Variants in TRANK1 observed in about 807,000 individuals in gnomAD.
TRANK1 encodes the protein tetratricopeptide repeat and ankyrin repeat containing 1.
A neutral mutation model predicts 266.0 loss-of-function variants in TRANK1; 198 were observed. That is an observed-to-expected ratio of 0.74 (90% CI 0.66 to 0.84). TRANK1 has a LOEUF of 0.84. Among genes scored for constraint, TRANK1 ranks in the 40% least tolerant of loss-of-function variants. The pLI, the probability that TRANK1 is intolerant of heterozygous loss-of-function variation, is 0.00. For missense variants in TRANK1, 3,326 were observed against 3,634.6 expected (o/e 0.92, Z 2.18); for synonymous variants, 1,396 against 1,384.1 (o/e 1.01, Z -0.19).
In TRANK1 at chr3:36,848,866, G is replaced by C. The variant is rs1422440628; in HGVS notation, c.4888-1520C>G. 2.0e-5 allele frequency among the ~76,000 whole-genome samples: 3 copies of C among 152,104 alleles called. No individual in the cohort carries two copies. The South Asian group carries it at 6.2e-4, about 32-fold the overall frequency. On this transcript the variant is annotated intron_variant, in intron 15 of 23. Coordinates refer to ENST00000645898, the MANE Select transcript of TRANK1 (RefSeq NM_001329998.2). Reference sequence around the variant, plus strand: ...CCTCCTGGCAGGTAGCATGAGATACGGACTGGCTAATATTGAAAGGGCTAA... The same window carrying C: ...CCTCCTGGCAGGTAGCATGAGATACCGACTGGCTAATATTGAAAGGGCTAA...
At chr3:36,939,880 C>G (rs1185807041) in intron 1 of TRANK1, among the ~76,000 whole-genome samples, 1 of 151,648 alleles carries the variant, frequency 6.6e-6, no homozygotes, top group Non-Finnish European at 1.5e-5. Context: ...AGTGTCCAAG[C>G]CCTTTTGTTC....
chr3:36,833,465 G>C lies in TRANK1; in HGVS notation c.6118C>G (p.Leu2040Val), dbSNP rs1266379228. ...TCCCTGAGCTTCTGAAAGTCTCTCA[G>C]GATTACCCCTTGCAGGAAGTGGGCC... ...AEAHFLQGVI[L>V]RDFQKLRDAF... The change falls in exon 22 of 24, where the codon CTG (leucine) becomes GTG (valine). Residue 2040 changes from leucine to valine, a missense_variant. Transcript: ENST00000645898. 1 of 1,613,724 alleles carries C rather than the reference G, an allele frequency of 6.2e-7. No homozygotes were observed. Among genetic ancestry groups the C allele is most frequent in the Non-Finnish European group, 8.5e-7 (1 of 1,179,818 alleles).
rs1186636071 is a variant in TRANK1 at position 36,828,207 on chromosome 3, C to A, written c.*68G>T. ...ATTCACATTCTTTTTGTCTTCTGCCCCAGCGCTCAGAATTCTAAGTCAGAA... is the reference window on the plus strand; with the variant it reads ...ATTCACATTCTTTTTGTCTTCTGCCACAGCGCTCAGAATTCTAAGTCAGAA... On this transcript the variant is annotated 3_prime_UTR_variant, in exon 24 of 24. Coordinates refer to ENST00000645898, the MANE Select transcript of TRANK1 (RefSeq NM_001329998.2). The A allele has an allele frequency of 8.5e-7, 1 of 1,173,394 alleles. No individual in the cohort carries two copies. 72.7% of individuals were successfully genotyped at this position (1,173,394 alleles called of 1,614,324 possible). A position where few individuals can be genotyped will look rare whatever the true frequency, so the allele number is the denominator to read the frequency against.
At position 36,889,865 on chromosome 3, in the gene TRANK1, C is replaced by A; in HGVS notation, c.871G>T (p.Val291Phe). 6.5e-7 allele frequency: 1 copy of A among 1,536,934 alleles called. No homozygotes were observed. Among genetic ancestry groups the A allele is most frequent in the Non-Finnish European group, 8.7e-7 (1 of 1,146,782 alleles). The change falls in exon 8 of 24, where the codon GTC becomes TTC. Residue 291 changes from valine (V) to phenylalanine (F), a missense_variant. By Grantham distance (50) the Val-to-Phe change is conservative (BLOSUM62 -1). Transcript: ENST00000645898. ...KDGDGCTVLH[V>F]VAAHSPGYLV... ...TATCCTGGGGAGTGGGCAGCGACGA[C>A]GTGCAGGACAGTGCAGCCATCCCCA...
intron 20 of TRANK1, among the ~76,000 whole-genome samples, chr3:36,835,925 CTT>C (rs1332373601): frequency 6.6e-6 from 1 of 152,178 alleles, no homozygotes; most frequent in African/African-American, 2.4e-5. Flanking sequence ...AAGAAAAAGA[CTT>C]TCCTCGAGAC....
chr3:36,833,125 G>A lies in TRANK1; in HGVS notation c.6458C>T (p.Thr2153Ile). ...DLDLNLREKK[T>I]KDHFLIMTDQ... ...AGTCATTATCAAAAAATGATCTTTT[G>A]TTTTTTTCTCTCTCAAGTTCAAATC... Residue 2153 changes from threonine (T) to isoleucine (I), a missense_variant, in exon 22 of 24, where the codon ACA becomes ATA. By Grantham distance (89) the Thr-to-Ile change is moderately conservative. Coordinates refer to ENST00000645898, the MANE Select transcript of TRANK1 (RefSeq NM_001329998.2). The A allele has an allele frequency of 6.2e-7, 1 of 1,612,434 alleles. No individual in the cohort carries two copies. Among genetic ancestry groups the A allele is most frequent in the Non-Finnish European group, 8.5e-7 (1 of 1,179,096 alleles).
intron 13 of TRANK1, among the ~76,000 whole-genome samples, chr3:36,854,966 A>G (rs1416956407): frequency 6.6e-6 from 1 of 152,244 alleles, no homozygotes; most frequent in Non-Finnish European, 1.5e-5. Flanking sequence ...GTCAGTTGCC[A>G]CCCAACCACA....
intron 22 of TRANK1, among the ~76,000 whole-genome samples, chr3:36,829,982 T>C (rs958428120): frequency 2.6e-5 from 4 of 152,194 alleles, no homozygotes; most frequent in African/African-American, 9.7e-5. Context: ...TTTTAAAATA[T>C]GCAATTTCAC....
chr3:36,911,478 T>G (rs760075446), intron 1 of TRANK1, among the ~76,000 whole-genome samples: 3 of 152,196 alleles, frequency 2.0e-5, no homozygotes, highest in Admixed American at 6.5e-5. Flanking sequence ...AAAAAAACTC[T>G]TCATTTCAAT....
intron 15 of TRANK1, among the ~76,000 whole-genome samples, chr3:36,848,852 G>A (rs114697601): frequency 0.011 from 1,631 of 152,280 alleles, 26 homozygotes; most frequent in African/African-American, 0.034. Context: ...CTCCTGGCAG[G>A]TAGCATGAGA....
intron 1 of TRANK1, among the ~76,000 whole-genome samples, chr3:36,942,226 T>A (rs1454594828): frequency 2.6e-5 from 4 of 152,028 alleles, no homozygotes; most frequent in African/African-American, 9.7e-5. Flanking sequence ...ACAAGGCCAG[T>A]CTCTATTTGG....
rs752944080 is a variant in TRANK1 at position 36,857,612 on chromosome 3, G to A, written c.2110C>T (p.Pro704Ser). The A allele has an allele frequency of 5.6e-6, 9 of 1,613,964 alleles. No homozygotes were observed. In the Admixed American group the frequency reaches 1.5e-4, roughly 27 times the overall value. Residue 704 changes from proline to serine, a missense_variant, in exon 13 of 24, where the codon CCT (proline) becomes TCT (serine). Pro to Ser is a moderately conservative substitution (Grantham distance 74, BLOSUM62 -1). Coordinates refer to ENST00000645898, the MANE Select transcript of TRANK1 (RefSeq NM_001329998.2). This position sits in a 1 kb window ranked among gnomAD's most constrained non-coding sequence, Gnocchi z 4.3. ...ARTLPEGSAV[P>S]DSWETLPGTQ... is the part of the protein sequence containing the mutation. ...CCTGGGAGAGTCTCCCAGCTGTCAG[G>A]GACTGCACTTCCTTCAGGCAGTGTT...
chr3:36,878,924 A>C (rs988944867), intron 8 of TRANK1, among the ~76,000 whole-genome samples: 2 of 152,126 alleles, frequency 1.3e-5, no homozygotes, highest in African/African-American at 4.8e-5. Context: ...GGCAACAATA[A>C]AATTTTTCTT....
rs370464780 is a variant in TRANK1 at position 36,831,006 on chromosome 3, G to A, written c.8577C>T (p.Ile2859=). The change falls in exon 22 of 24, where the codon ATC becomes ATT. Residue 2859 remains isoleucine (I), a synonymous_variant. Coordinates refer to ENST00000645898, the MANE Select transcript of TRANK1 (RefSeq NM_001329998.2). The surrounding 1 kb of genome is among the most constrained non-coding windows in gnomAD (Gnocchi z 5.0). ...IDEGKLVVQD[I]EQSVWIHSHV... is the part of the protein sequence containing the mutation. ...GACTGTGGATCCATACACTTTGCTC[G>A]ATGTCCTGCACCACCAGCTTGCCTT... is the stretch of plus-strand genomic sequence containing the variant. 50 of 1,613,890 alleles carry A rather than the reference G, an allele frequency of 3.1e-5. No individual in the cohort carries two copies. In the African/African-American group the frequency reaches 3.9e-4, roughly 12 times the overall value.
chr3:36,878,992 A>G (rs1050081723), intron 8 of TRANK1, among the ~76,000 whole-genome samples: 26 of 152,036 alleles, frequency 1.7e-4, no homozygotes, highest in Non-Finnish European at 3.2e-4. Context: ...TTAAAATATC[A>G]ATTTAAATTG....
At position 36,892,892 on chromosome 3, in the gene TRANK1, T is replaced by C; in HGVS notation, c.636+9A>G. ...ATATAGATATATATAGATATATATA[T>C]CACCTTACCTCAAAGAGACTTTTCA... On this transcript the variant is annotated intron_variant, in intron 6 of 23. Coordinates refer to ENST00000645898, the MANE Select transcript of TRANK1 (RefSeq NM_001329998.2). The C allele has an allele frequency of 7.6e-7, 1 of 1,315,208 alleles. No individual in the cohort carries two copies. Among genetic ancestry groups the C allele is most frequent in the Non-Finnish European group, 1.0e-6 (1 of 998,276 alleles). The allele number at this position is 1,315,208 out of a possible 1,614,324, so 81.5% of individuals were successfully genotyped here.
chr3:36,911,626 C>T lies in TRANK1; in HGVS notation c.24-3172G>A, dbSNP rs1441198416. Among the ~76,000 whole-genome samples, 3 of 152,170 alleles carry T rather than the reference C, an allele frequency of 2.0e-5. No homozygotes were observed. The East Asian group carries it at 5.8e-4, about 29-fold the overall frequency. On this transcript the variant is annotated intron_variant, in intron 1 of 23. Transcript: ENST00000645898. ...GGTGAAAGAAGGAATGCCAACCATA[C>T]AGAAGGCTTTTTTCTTCCTAATAGG...
Position 36,857,221 on chromosome 3 carries a change from C to T in TRANK1, c.2501G>A (p.Trp834Ter). 6.2e-7 allele frequency: 1 copy of T among 1,613,848 alleles called. No homozygotes were observed. Among genetic ancestry groups the T allele is most frequent in the Non-Finnish European group, 8.5e-7 (1 of 1,179,802 alleles). ...ACLQDFDNMT[W>*]EIECTSEMLK... ...CATTTCTGAAGTGCACTCGATCTCC[C>T]AGGTCATGTTATCGAAGTCCTGGAG... The change falls in exon 13 of 24, where the codon TGG becomes TAG. Residue 834 changes from tryptophan to a stop codon, truncating the protein, a stop_gained. Transcript: ENST00000645898. LOFTEE classifies it high-confidence loss of function. This position sits in a 1 kb window ranked among gnomAD's most constrained non-coding sequence, Gnocchi z 4.3.
intron 1 of TRANK1, among the ~76,000 whole-genome samples, chr3:36,909,775 C>A (rs2080025457): frequency 6.6e-6 from 1 of 152,194 alleles, no homozygotes; most frequent in Non-Finnish European, 1.5e-5. Context: ...CTGTACTCCA[C>A]TTCTTAAGCA....
Sources: allele counts gnomAD v4.1 joint callset (sites outside exome capture counted in the v4.1 genomes callset), GRCh38; gene constraint gnomAD v4.1.1; non-coding constraint Gnocchi (gnomAD v3.1); transcripts MANE v1.5; gene names NCBI Gene and HGNC (gene_info 2026-07-23, HGNC 2026-07-21).